The following EXOC6B variants were observed in gnomAD, a reference collection of about 807,000 sequenced individuals.
The protein encoded by EXOC6B is SEC15 homolog B.
In EXOC6B, 54 loss-of-function variants were observed where a neutral mutation model predicts 113.5. That is an observed-to-expected ratio of 0.48 (90% CI 0.38 to 0.60). The LOEUF (loss-of-function observed/expected upper bound fraction) is 0.60. Ranked by LOEUF, EXOC6B falls within the 20% of genes least tolerant of loss-of-function variation. The pLI is 0.00. For missense variants in EXOC6B, 797 were observed against 977.5 expected (o/e 0.82, Z 2.46); for synonymous variants, 357 against 339.0 (o/e 1.05, Z -0.58).
At chr2:72,815,859 A>G (rs1226037307) in intron 1 of EXOC6B, among the ~76,000 whole-genome samples, 1 of 152,220 alleles carries the variant, frequency 6.6e-6, no homozygotes, top group African/African-American at 2.4e-5. Context: ...CTATAGATAC[A>G]GTACGAAATG....
intron 6 of EXOC6B, among the ~76,000 whole-genome samples, chr2:72,710,912 C>T (rs573348721): frequency 1.3e-5 from 2 of 152,254 alleles, no homozygotes; most frequent in South Asian, 4.1e-4. Context: ...AAATCAGTTA[C>T]ATAACCCATA....
At chr2:72,628,784 A>G in intron 6 of EXOC6B, among the ~76,000 whole-genome samples, 1 of 152,154 alleles carries the variant, frequency 6.6e-6, no homozygotes, top group East Asian at 1.9e-4. Flanking sequence ...TGAGCAATAC[A>G]TTTCTGTTGT....
chr2:72,436,927 C>T (rs1411456611), intron 18 of EXOC6B, among the ~76,000 whole-genome samples: 1 of 152,124 alleles, frequency 6.6e-6, no homozygotes, highest in Non-Finnish European at 1.5e-5. Flanking sequence ...CATTCTCCAT[C>T]CAGTTTTGTT....
At chr2:72,452,954 C>A (rs933169740) in intron 18 of EXOC6B, among the ~76,000 whole-genome samples, 6 of 152,078 alleles carry the variant, frequency 3.9e-5, no homozygotes, top group Non-Finnish European at 8.8e-5. Context: ...TAATCACAAC[C>A]ATGCTTCTCA....
intron 19 of EXOC6B, among the ~76,000 whole-genome samples, chr2:72,370,198 G>C (rs993265454): frequency 6.6e-6 from 1 of 152,062 alleles, no homozygotes; most frequent in East Asian, 1.9e-4. Flanking sequence ...AAAAGTGGGC[G>C]AAGGATATGA....
intron 19 of EXOC6B, among the ~76,000 whole-genome samples, chr2:72,367,498 C>T (rs1042350577): frequency 1.3e-5 from 2 of 152,148 alleles, no homozygotes; most frequent in Non-Finnish European, 1.5e-5. Context: ...TGATTCCTCC[C>T]TCCCCAACCC....
intron 18 of EXOC6B, among the ~76,000 whole-genome samples, chr2:72,449,205 C>T (rs1226933717): frequency 2.6e-5 from 4 of 151,450 alleles, no homozygotes; most frequent in African/African-American, 4.9e-5. Flanking sequence ...TTTTTTGAGA[C>T]GGAGTCTCGC....
chr2:72,809,317 T>A lies in EXOC6B; in HGVS notation c.113+16481A>T, dbSNP rs912955808. ...TGGATTTTATAAAACAATACAAGTA[T>A]ATGCTGTTGATAGGAAATTCATTTC... On this transcript the variant is annotated intron_variant, in intron 1 of 21. Coordinates refer to ENST00000272427, the MANE Select transcript of EXOC6B (RefSeq NM_015189.3). 3.9e-5 allele frequency among the ~76,000 whole-genome samples: 6 copies of A among 152,132 alleles called. No individual in the cohort carries two copies. The South Asian group carries it at 1.2e-3, about 31-fold the overall frequency.
At chr2:72,377,597 G>A (rs544155616) in intron 19 of EXOC6B, among the ~76,000 whole-genome samples, 2 of 152,234 alleles carry the variant, frequency 1.3e-5, no homozygotes, top group Non-Finnish European at 2.9e-5. Context: ...TGTTTAGTAA[G>A]AAAAGGCACA....
chr2:72,357,232 T>C (rs1003134539), intron 19 of EXOC6B, among the ~76,000 whole-genome samples: 4 of 152,250 alleles, frequency 2.6e-5, no homozygotes, highest in Non-Finnish European at 5.9e-5. Context: ...ATAATTGTTC[T>C]ATTTTATTAT....
At chr2:72,582,949 C>T (rs1705322271) in intron 6 of EXOC6B, among the ~76,000 whole-genome samples, 1 of 151,862 alleles carries the variant, frequency 6.6e-6, no homozygotes, top group Non-Finnish European at 1.5e-5. Context: ...AAAATCAACA[C>T]AAAGAAACTT....
chr2:72,711,295 T>C (rs551336522), intron 6 of EXOC6B, among the ~76,000 whole-genome samples: 98 of 152,014 alleles, frequency 6.4e-4, no homozygotes, highest in African/African-American at 2.3e-3. Context: ...TAGGATAAAA[T>C]GGAGGGGTTT....
At chr2:72,803,657 A>G (rs372493557) in intron 1 of EXOC6B, among the ~76,000 whole-genome samples, 94 of 152,334 alleles carry the variant, frequency 6.2e-4, no homozygotes, top group African/African-American at 2.1e-3. Context: ...TACATAGACC[A>G]TTCACTTAAA....
At chr2:72,359,991 G>A (rs1482404195) in intron 19 of EXOC6B, among the ~76,000 whole-genome samples, 2 of 152,062 alleles carry the variant, frequency 1.3e-5, no homozygotes, top group Admixed American at 1.3e-4. Flanking sequence ...GCTTACTGAG[G>A]CCCTCACCAA....
intron 20 of EXOC6B, among the ~76,000 whole-genome samples, chr2:72,222,976 T>C (rs1680971717): frequency 6.6e-6 from 1 of 152,204 alleles, no homozygotes; most frequent in Non-Finnish European, 1.5e-5. Flanking sequence ...TGGTTATATA[T>C]GTGAGTCACT....
intron 6 of EXOC6B, among the ~76,000 whole-genome samples, chr2:72,653,788 C>T (rs1264579628): frequency 1.3e-5 from 2 of 151,818 alleles, no homozygotes; most frequent in South Asian, 2.1e-4. Context: ...ATATTTTTCC[C>T]ATATATATGC....
At chr2:72,249,169 G>C (rs1321807650) in intron 20 of EXOC6B, among the ~76,000 whole-genome samples, 1 of 152,226 alleles carries the variant, frequency 6.6e-6, no homozygotes, top group African/African-American at 2.4e-5. Flanking sequence ...AGGAAGCTGA[G>C]GTGGGAGGAT....
At chr2:72,548,164 C>A (rs190202583) in intron 8 of EXOC6B, among the ~76,000 whole-genome samples, 48 of 152,226 alleles carry the variant, frequency 3.2e-4, no homozygotes, top group African/African-American at 1.1e-3. Flanking sequence ...TTCAGCACTT[C>A]CTAGAAAAGT....
intron 16 of EXOC6B, among the ~76,000 whole-genome samples, chr2:72,491,222 G>C (rs1308657087): frequency 3.9e-5 from 6 of 151,998 alleles, no homozygotes; most frequent in Non-Finnish European, 8.8e-5. Flanking sequence ...TAAAGTCTAA[G>C]GTAATTTTCA....
Sources: gnomAD v4.1 joint callset for allele counts (sites outside exome capture counted in the v4.1 genomes callset) on GRCh38, gnomAD v4.1.1 for gene constraint, MANE v1.5 for transcripts, NCBI Gene and HGNC (gene_info 2026-07-23, HGNC 2026-07-21) for gene names.